FHIT: variants seen among roughly 807,000 people sequenced by gnomAD.
The protein encoded by FHIT is fragile histidine triad diadenosine triphosphatase, also known as bis(5'-adenosyl)-triphosphatase.
In FHIT, 19 loss-of-function variants were observed where a neutral mutation model predicts 17.9. That is an observed-to-expected ratio of 1.06 (90% CI 0.74 to 1.56). FHIT has a LOEUF of 1.56. FHIT is among the 40% of genes most tolerant of loss of function. The pLI, the probability that FHIT is intolerant of heterozygous loss-of-function variation, is 0.00. For missense variants in FHIT, 248 were observed against 189.2 expected (o/e 1.31, Z -1.82); for synonymous variants, 81 against 69.7 (o/e 1.16, Z -0.81).
At chr3:60,930,668 C>G (rs1345263498) in intron 3 of FHIT, among the ~76,000 whole-genome samples, 1 of 152,126 alleles carries the variant, frequency 6.6e-6, no homozygotes, top group Non-Finnish European at 1.5e-5. Flanking sequence ...CAATGAGATA[C>G]CATCTCACAC....
intron 5 of FHIT, among the ~76,000 whole-genome samples, chr3:60,453,726 A>G (rs184847354): frequency 6.6e-6 from 1 of 152,220 alleles, no homozygotes; most frequent in African/African-American, 2.4e-5. Flanking sequence ...AAATGAGATG[A>G]CGATGCAAAT....
chr3:60,518,535 A>T (rs2035242318), intron 5 of FHIT, among the ~76,000 whole-genome samples: 1 of 152,230 alleles, frequency 6.6e-6, no homozygotes, highest in Non-Finnish European at 1.5e-5. Flanking sequence ...CCGAATGTTC[A>T]TCCATTTAAA....
intron 5 of FHIT, among the ~76,000 whole-genome samples, chr3:60,373,701 A>G (rs1205029583): frequency 6.6e-6 from 1 of 152,164 alleles, no homozygotes; most frequent in African/African-American, 2.4e-5. Flanking sequence ...CCCCTAAAAA[A>G]CATACAATTG....
intron 3 of FHIT, among the ~76,000 whole-genome samples, chr3:60,997,539 T>A (rs2107596542): frequency 6.6e-6 from 1 of 152,206 alleles, no homozygotes; most frequent in East Asian, 1.9e-4. Context: ...TTCCTAGTCA[T>A]CTCTGGATCA....
At chr3:60,467,729 G>A (rs1478033822) in intron 5 of FHIT, among the ~76,000 whole-genome samples, 1 of 151,912 alleles carries the variant, frequency 6.6e-6, no homozygotes, top group African/African-American at 2.4e-5. Flanking sequence ...TTGTTTTGTG[G>A]CCTGAAATAT....
intron 5 of FHIT, among the ~76,000 whole-genome samples, chr3:60,328,032 C>G (rs1252195390): frequency 6.6e-6 from 1 of 152,190 alleles, no homozygotes; most frequent in Non-Finnish European, 1.5e-5. Flanking sequence ...GTAATGCTCA[C>G]TCAATCAGGG....
rs574107455 is a variant in FHIT, at chr3:60,561,228, G to A, written c.-17-24249C>T. ...AAATTACCAATCAGATAGACGCTAA[G>A]GTAGGACTGAAATGTGGGCCAAACC... On this transcript the variant is annotated intron_variant, in intron 4 of 9. Coordinates refer to ENST00000492590, the MANE Select transcript of FHIT (RefSeq NM_002012.4). 8.7e-4 allele frequency among the ~76,000 whole-genome samples: 132 copies of A among 152,042 alleles called. 1 individual carries two copies. The highest frequency in any genetic ancestry group is 2.3e-3 in the Admixed American group (35 of 15,268).
chr3:60,936,838 A>G (rs1348349883), intron 3 of FHIT, among the ~76,000 whole-genome samples: 4 of 152,226 alleles, frequency 2.6e-5, no homozygotes, highest in South Asian at 2.1e-4. Context: ...ATTTTTTAAT[A>G]CAAAGAAAGC....
At chr3:61,175,343 C>T (rs776189602) in intron 2 of FHIT, among the ~76,000 whole-genome samples, 3 of 152,068 alleles carry the variant, frequency 2.0e-5, no homozygotes, top group Non-Finnish European at 4.4e-5. Flanking sequence ...CCATTTCTGC[C>T]ACTTTCAACA....
intron 8 of FHIT, among the ~76,000 whole-genome samples, chr3:59,770,238 G>A (rs1053644637): frequency 1.3e-5 from 2 of 152,074 alleles, no homozygotes; most frequent in African/African-American, 4.8e-5. Context: ...AACCCTATGT[G>A]GTAATTAGTT....
chr3:60,503,423 G>T (rs1410805113), intron 5 of FHIT, among the ~76,000 whole-genome samples: 1 of 152,040 alleles, frequency 6.6e-6, no homozygotes, highest in Non-Finnish European at 1.5e-5. Context: ...TATCCAAGAA[G>T]GCCTATGATA....
chr3:60,195,307 G>C (rs1702577091), intron 5 of FHIT, among the ~76,000 whole-genome samples: 1 of 151,882 alleles, frequency 6.6e-6, no homozygotes, highest in Admixed American at 6.6e-5. Context: ...TACACTTCTG[G>C]TGGAAATGAA....
Position 60,025,732 on chromosome 3 carries a change from CA to C in FHIT, c.104-11581del, listed in dbSNP as rs1385506001. Among the ~76,000 whole-genome samples the C allele has an allele frequency of 2.2e-5, 3 of 133,982 alleles. No individual in the cohort carries two copies. The South Asian group carries it at 7.2e-4, about 32-fold the overall frequency. 87.9% of individuals were successfully genotyped at this position (133,982 alleles called of 152,430 possible). A position where few individuals can be genotyped will look rare whatever the true frequency, so the allele number is the denominator to read the frequency against. On this transcript the variant is annotated intron_variant, in intron 5 of 9. Coordinates refer to ENST00000492590, the MANE Select transcript of FHIT (RefSeq NM_002012.4). Reference sequence around the variant, plus strand: ...ACAATAAAAATGCAGAAAATTCTACCAGAAAAAAAAAAAAAAAGAGAGAGTG... The same window carrying C: ...ACAATAAAAATGCAGAAAATTCTACCGAAAAAAAAAAAAAAAGAGAGAGTG...
At chr3:59,809,524 C>A (rs1242391432) in intron 8 of FHIT, among the ~76,000 whole-genome samples, 1 of 152,188 alleles carries the variant, frequency 6.6e-6, no homozygotes, top group African/African-American at 2.4e-5. Context: ...TAACATAATA[C>A]ACTCCCAATT....
intron 8 of FHIT, among the ~76,000 whole-genome samples, chr3:59,787,237 C>A (rs1471687288): frequency 1.3e-5 from 2 of 152,140 alleles, no homozygotes; most frequent in African/African-American, 2.4e-5. Context: ...AGGATTTAGT[C>A]CCAGGTCTGT....
At chr3:60,813,126 T>C (rs60920499) in intron 4 of FHIT, among the ~76,000 whole-genome samples, 1,789 of 151,398 alleles carry the variant, frequency 0.012, 39 homozygotes, top group African/African-American at 0.041. Context: ...AGAAAGTAGG[T>C]TTGTTATCAT....
At chr3:61,095,621 T>C (rs1196708972) in intron 2 of FHIT, among the ~76,000 whole-genome samples, 2 of 152,090 alleles carry the variant, frequency 1.3e-5, no homozygotes, top group African/African-American at 4.8e-5. Context: ...TCCTCACCCA[T>C]CCATTGCCCC....
At chr3:60,062,958 G>A (rs1012567350) in intron 5 of FHIT, among the ~76,000 whole-genome samples, 24 of 152,130 alleles carry the variant, frequency 1.6e-4, no homozygotes, top group Non-Finnish European at 2.9e-4. Flanking sequence ...TGGAGGAGGA[G>A]AAGAGTCAAC....
chr3:60,095,733 C>T (rs1703919936), intron 5 of FHIT, among the ~76,000 whole-genome samples: 1 of 152,186 alleles, frequency 6.6e-6, no homozygotes, highest in Admixed American at 6.5e-5. Context: ...CTCTCACAGG[C>T]TGAGAAAAGG....
Sources: allele counts gnomAD v4.1 joint callset (sites outside exome capture counted in the v4.1 genomes callset), GRCh38; gene constraint gnomAD v4.1.1; transcripts MANE v1.5; gene names NCBI Gene and HGNC (gene_info 2026-07-23, HGNC 2026-07-21).